Variants in ACTR3C observed in about 807,000 individuals in gnomAD.
The protein encoded by ACTR3C is actin related protein 3C.
ACTR3C carries 18 observed loss-of-function variants against 26.3 expected under a neutral mutation model. The ratio of observed to expected loss-of-function variants is 0.68; its 90% CI spans 0.47 to 1.01. ACTR3C has a LOEUF of 1.01. ACTR3C is among the 50% of genes least tolerant of loss of function. The pLI, the probability that ACTR3C is intolerant of heterozygous loss-of-function variation, is 0.00. For missense variants in ACTR3C, 184 were observed against 250.7 expected (o/e 0.73, Z 1.80); for synonymous variants, 55 against 94.5 (o/e 0.58, Z 2.42).
the ACTR3C span, among the ~76,000 whole-genome samples, chr7:149,985,014 A>C: frequency 0.075 from 11,388 of 151,132 alleles, 1,388 homozygotes; most frequent in African/African-American, 0.26. Context: ...TAACATTACC[A>C]CTAATAATAG....
At chr7:150,312,466 A>G (rs1265207798) in intron 1 of ACTR3C, among the ~76,000 whole-genome samples, 1 of 152,198 alleles carries the variant, frequency 6.6e-6, no homozygotes, top group Non-Finnish European at 1.5e-5. Context: ...TGGGGACAAA[A>G]AGCTTTGGTA....
the ACTR3C span, among the ~76,000 whole-genome samples, chr7:150,156,663 A>T: frequency 6.6e-6 from 1 of 152,192 alleles, no homozygotes; most frequent in Non-Finnish European, 1.5e-5. Context: ...GAAAAAGATC[A>T]TTCAATTTAA....
chr7:150,198,810 G>C, the ACTR3C span, among the ~76,000 whole-genome samples: 2 of 146,160 alleles, frequency 1.4e-5, no homozygotes, highest in African/African-American at 2.6e-5. Flanking sequence ...AGGTGGGGGG[G>C]TCAGCCCCCC....
At chr7:150,232,822 C>CA in the ACTR3C span, among the ~76,000 whole-genome samples, 7 of 149,848 alleles carry the variant, frequency 4.7e-5, no homozygotes, top group African/African-American at 1.2e-4. Flanking sequence ...GACTGCAACT[C>CA]AAAAAAAATA....
intron 6 of ACTR3C, among the ~76,000 whole-genome samples, chr7:150,279,596 CCACCGTAGG>C (rs1236000342): frequency 6.6e-6 from 1 of 152,018 alleles, no homozygotes; most frequent in African/African-American, 2.4e-5. Context: ...ACCTTCCCCA[CCACCGTAGG>C]CTCTGGCCAA....
chr7:150,278,415 C>G (rs894404718), intron 6 of ACTR3C, among the ~76,000 whole-genome samples: 1 of 152,266 alleles, frequency 6.6e-6, no homozygotes, highest in Admixed American at 6.5e-5. Context: ...ACTGCCATCA[C>G]CACTGAGCAC....
the ACTR3C span, among the ~76,000 whole-genome samples, chr7:149,996,077 A>C: frequency 1.3e-5 from 2 of 151,990 alleles, no homozygotes; most frequent in Admixed American, 1.3e-4. Context: ...GTGGGGAGGG[A>C]GGAGGCTGGA....
the ACTR3C span, among the ~76,000 whole-genome samples, chr7:150,198,559 G>T: frequency 1.4e-5 from 2 of 147,814 alleles, no homozygotes; most frequent in African/African-American, 5.2e-5. Flanking sequence ...GGTGAGGAGC[G>T]TCTCTGCCCG....
chr7:150,037,132 G>T, the ACTR3C span, among the ~76,000 whole-genome samples: 184 of 54,704 alleles, frequency 3.4e-3, no homozygotes, highest in African/African-American at 9.5e-3. Context: ...CTGGCTCTCA[G>T]TCCCTGCCTC....
chr7:150,153,112 A>G, the ACTR3C span, among the ~76,000 whole-genome samples: 1 of 152,186 alleles, frequency 6.6e-6, no homozygotes. Context: ...CTAAAACCAT[A>G]AAAACCCTAG....
chr7:150,019,224 C>T, the ACTR3C span, among the ~76,000 whole-genome samples: 96 of 150,326 alleles, frequency 6.4e-4, 3 homozygotes, highest in African/African-American at 2.1e-3. Flanking sequence ...TAGACACTGT[C>T]GGAAATATCT....
At chr7:150,221,732 C>T in the ACTR3C span, among the ~76,000 whole-genome samples, 4 of 152,126 alleles carry the variant, frequency 2.6e-5, no homozygotes, top group African/African-American at 9.7e-5. Flanking sequence ...CGGTGGCTCA[C>T]GCCTGTAATC....
intron 1 of ACTR3C, among the ~76,000 whole-genome samples, chr7:150,305,639 C>A (rs564221212): frequency 2.6e-5 from 4 of 152,322 alleles, no homozygotes; most frequent in East Asian, 1.9e-4. Flanking sequence ...AGTTCTAATT[C>A]AGTTTCCACT....
the ACTR3C span, among the ~76,000 whole-genome samples, chr7:150,149,575 A>G: frequency 4.4e-5 from 6 of 137,154 alleles, no homozygotes; most frequent in Non-Finnish European, 9.1e-5. Context: ...ATTCCCACCT[A>G]TGAGTGAGAA....
At chr7:150,082,954 T>C in the ACTR3C span, among the ~76,000 whole-genome samples, 5 of 141,904 alleles carry the variant, frequency 3.5e-5, no homozygotes, top group Non-Finnish European at 7.6e-5. Context: ...TTTCTTTTTT[T>C]TTTTTTTTCA....
At chr7:150,285,157 C>T (rs1328351062) in intron 5 of ACTR3C, among the ~76,000 whole-genome samples, 1 of 152,150 alleles carries the variant, frequency 6.6e-6, no homozygotes, top group East Asian at 1.9e-4. Context: ...AGAGTATGTG[C>T]ACGATCTACG....
the ACTR3C span, among the ~76,000 whole-genome samples, chr7:149,994,728 T>C: frequency 1.3e-5 from 2 of 151,980 alleles, no homozygotes; most frequent in South Asian, 4.1e-4. Flanking sequence ...ATCTTTGAGG[T>C]CCAAGTGCCT....
the ACTR3C span, among the ~76,000 whole-genome samples, chr7:149,966,740 C>G: frequency 6.6e-6 from 1 of 152,208 alleles, no homozygotes; most frequent in Non-Finnish European, 1.5e-5. Flanking sequence ...TTCTAGGACA[C>G]ATCCCTGCCA....
chr7:149,883,631 C>T, the ACTR3C span, among the ~76,000 whole-genome samples: 1 of 152,198 alleles, frequency 6.6e-6, no homozygotes. Flanking sequence ...CTAGCGAGCC[C>T]TCGTCCAATC....
Sources: allele counts gnomAD v4.1 joint callset (sites outside exome capture counted in the v4.1 genomes callset), GRCh38; gene constraint gnomAD v4.1.1; transcripts MANE v1.5; gene names NCBI Gene and HGNC (gene_info 2026-07-23, HGNC 2026-07-21).